The following GPM6A variants were observed in gnomAD, a reference collection of about 807,000 sequenced individuals.
The protein encoded by GPM6A is neuronal membrane glycoprotein M6-a.
Under a neutral mutation model 32.1 loss-of-function variants are expected in GPM6A, and 7 were observed. That is an observed-to-expected ratio of 0.22 (90% CI 0.12 to 0.41). The LOEUF (loss-of-function observed/expected upper bound fraction) is 0.41. Ranked by LOEUF, GPM6A falls within the 10% of genes least tolerant of loss-of-function variation. The pLI, the probability that GPM6A is intolerant of heterozygous loss-of-function variation, is 1.00. For missense variants in GPM6A, 235 were observed against 347.2 expected, an observed-to-expected ratio of 0.68 and a Z score of 2.57; for synonymous variants, 130 against 123.4, an observed-to-expected ratio of 1.05 and a Z score of -0.35.
intron 1 of GPM6A, among the ~76,000 whole-genome samples, chr4:175,830,982 G>T (rs1435503824): frequency 6.6e-6 from 1 of 151,974 alleles, no homozygotes; most frequent in Non-Finnish European, 1.5e-5. Context: ...AATCTAAATT[G>T]CTGAGTTTAT....
At chr4:175,970,186 A>G (rs1331167814) in intron 1 of GPM6A, among the ~76,000 whole-genome samples, 2 of 152,216 alleles carry the variant, frequency 1.3e-5, no homozygotes, top group African/African-American at 2.4e-5. Flanking sequence ...CCACCTCTCA[A>G]TAAACAAGTT....
chr4:175,780,742 C>T (rs999209931), intron 1 of GPM6A, among the ~76,000 whole-genome samples: 13 of 152,158 alleles, frequency 8.5e-5, no homozygotes, highest in African/African-American at 2.9e-4. Context: ...CTGGACACTA[C>T]AGTGCTTTAG....
At chr4:175,895,016 C>T (rs376870286) in intron 1 of GPM6A, among the ~76,000 whole-genome samples, 2 of 152,206 alleles carry the variant, frequency 1.3e-5, no homozygotes, top group African/African-American at 4.8e-5. Context: ...CTTACCATCC[C>T]TTTTTTTACT....
intron 1 of GPM6A, among the ~76,000 whole-genome samples, chr4:175,830,086 G>A (rs1175949693): frequency 6.6e-6 from 1 of 151,966 alleles, no homozygotes; most frequent in Non-Finnish European, 1.5e-5. Context: ...CCAGAGAAAG[G>A]AGAGAGAGAG....
intron 1 of GPM6A, among the ~76,000 whole-genome samples, chr4:175,834,469 C>A (rs550576495): frequency 6.6e-6 from 1 of 152,278 alleles, no homozygotes; most frequent in African/African-American, 2.4e-5. Context: ...CAGTTTGCAT[C>A]TCTGACCTTC....
At chr4:175,897,338 T>TC (rs1737826837) in intron 1 of GPM6A, among the ~76,000 whole-genome samples, 1 of 152,110 alleles carries the variant, frequency 6.6e-6, no homozygotes, top group South Asian at 2.1e-4. Context: ...TCTCCTTACT[T>TC]CCCACTCTCC....
At chr4:175,674,667 T>C (rs1356797626) in intron 2 of GPM6A, among the ~76,000 whole-genome samples, 1 of 152,220 alleles carries the variant, frequency 6.6e-6, no homozygotes, top group Non-Finnish European at 1.5e-5. Flanking sequence ...GATAGTCAAT[T>C]ATAGTTGTAT....
intron 1 of GPM6A, among the ~76,000 whole-genome samples, chr4:175,835,312 A>G (rs1735730382): frequency 6.6e-6 from 1 of 152,088 alleles, no homozygotes; most frequent in South Asian, 2.1e-4. Flanking sequence ...TTAGTATACC[A>G]TCTTTCTCAA....
chr4:175,727,869 T>C (rs1731245277), intron 1 of GPM6A, among the ~76,000 whole-genome samples: 1 of 151,966 alleles, frequency 6.6e-6, no homozygotes, highest in African/African-American at 2.4e-5. Flanking sequence ...TTGGGCATGG[T>C]GGCGCATGCC....
At chr4:175,972,481 G>C (rs1579676696) in intron 1 of GPM6A, among the ~76,000 whole-genome samples, 1 of 152,248 alleles carries the variant, frequency 6.6e-6, no homozygotes, top group Middle Eastern at 3.4e-3. Context: ...CTCTGCCTTT[G>C]ATCAACCATA....
At chr4:175,768,736 T>G (rs1733072059) in intron 1 of GPM6A, among the ~76,000 whole-genome samples, 2 of 152,310 alleles carry the variant, frequency 1.3e-5, no homozygotes, top group African/African-American at 4.8e-5. Flanking sequence ...GCACTATGTA[T>G]CATTCTGAAC....
chr4:175,707,277 G>A (rs1302944782), intron 1 of GPM6A, among the ~76,000 whole-genome samples: 1 of 152,186 alleles, frequency 6.6e-6, no homozygotes, highest in Non-Finnish European at 1.5e-5. Flanking sequence ...CTTGGGGTCT[G>A]GATGGGGACC....
intron 1 of GPM6A, among the ~76,000 whole-genome samples, chr4:175,940,236 G>C (rs1300185939): frequency 6.6e-6 from 1 of 152,060 alleles, no homozygotes; most frequent in African/African-American, 2.4e-5. Flanking sequence ...ATATGATTCA[G>C]ATATGTTTGG....
chr4:175,799,165 T>C (rs1469707022), intron 1 of GPM6A, among the ~76,000 whole-genome samples: 2 of 152,334 alleles, frequency 1.3e-5, no homozygotes, highest in South Asian at 2.1e-4. Context: ...TGCCCCAGGA[T>C]GTCTTAGGCA....
chr4:175,728,356 T>C (rs901521955), intron 1 of GPM6A, among the ~76,000 whole-genome samples: 2 of 152,180 alleles, frequency 1.3e-5, no homozygotes, highest in Non-Finnish European at 2.9e-5. Context: ...ACAAAAAGAC[T>C]TCATCGAACA....
chr4:175,673,148 T>C (rs1444077997), intron 3 of GPM6A, among the ~76,000 whole-genome samples: 1 of 152,140 alleles, frequency 6.6e-6, no homozygotes, highest in East Asian at 1.9e-4. Context: ...CATTAATAGA[T>C]AGATACGCAT....
chr4:175,900,083 C>A (rs562698329), intron 1 of GPM6A, among the ~76,000 whole-genome samples: 2 of 152,022 alleles, frequency 1.3e-5, no homozygotes, highest in South Asian at 4.2e-4. Context: ...AGTTCAAGAT[C>A]AGCCTGGTGA....
At chr4:175,818,187 G>A (rs1317438504) in intron 1 of GPM6A, among the ~76,000 whole-genome samples, 2 of 151,984 alleles carry the variant, frequency 1.3e-5, no homozygotes, top group African/African-American at 2.4e-5. Flanking sequence ...TCACCTCTTC[G>A]GCATAACGTC....
chr4:175,799,805 G>T (rs1233605995), intron 1 of GPM6A, among the ~76,000 whole-genome samples: 1 of 149,334 alleles, frequency 6.7e-6, no homozygotes, highest in Non-Finnish European at 1.5e-5. Flanking sequence ...CTCCCCAGTA[G>T]CTGGGACTAC....
Sources: allele counts gnomAD v4.1 joint callset (sites outside exome capture counted in the v4.1 genomes callset), GRCh38; gene constraint gnomAD v4.1.1; transcripts MANE v1.5; gene names NCBI Gene and HGNC (gene_info 2026-07-23, HGNC 2026-07-21).